Variants in CPN1 observed in about 807,000 individuals in gnomAD.
CPN1 encodes the protein carboxypeptidase N catalytic chain.
CPN1 carries 37 observed loss-of-function variants against 46.4 expected under a neutral mutation model. The observed-to-expected ratio is 0.80, with a 90% confidence interval of 0.61 to 1.05. The LOEUF is 1.05. Among genes scored for constraint, CPN1 ranks in the 50% least tolerant of loss-of-function variants. The probability of loss-of-function intolerance (pLI) is 0.00; values close to 1 mark genes in which losing one functional copy is unlikely to be tolerated. For missense variants in CPN1, 563 were observed against 602.6 expected (o/e 0.93, Z 0.69); for synonymous variants, 224 against 235.4 (o/e 0.95, Z 0.44).
intron 5 of CPN1, among the ~76,000 whole-genome samples, chr10:100,058,202 T>A (rs2041396295): frequency 1.3e-5 from 2 of 152,306 alleles, no homozygotes; most frequent in East Asian, 3.9e-4. Context: ...TGAATTTCAC[T>A]TCTTGTCCCT....
At chr10:100,065,600 C>T (rs1357534286) in intron 3 of CPN1, among the ~76,000 whole-genome samples, 2 of 152,112 alleles carry the variant, frequency 1.3e-5, no homozygotes, top group Non-Finnish European at 2.9e-5. Flanking sequence ...TATGTGGAAT[C>T]CCAATATACA....
rs531454616 is a variant in CPN1, at chr10:100,045,880, T to C, written c.1230+2878A>G. On this transcript the variant is annotated intron_variant, in intron 8 of 8. Coordinates refer to ENST00000370418, the MANE Select transcript of CPN1 (RefSeq NM_001308.3). ...AGGTGGTGGGAGGGTCTACTAAGGG[T>C]TGTGTACAGGAGTGAGGCGGCCCTA... Among the ~76,000 whole-genome samples the C allele has an allele frequency of 2.6e-5, 4 of 152,114 alleles. No individual in the cohort carries two copies. The East Asian group carries it at 7.7e-4, about 29-fold the overall frequency.
rs927420745 is a variant in CPN1 at position 100,050,814 on chromosome 10, A to G, written c.1112-1938T>C. Among the ~76,000 whole-genome samples the G allele has an allele frequency of 2.0e-5, 3 of 152,120 alleles. No homozygotes were observed. The East Asian group carries it at 5.8e-4, about 29-fold the overall frequency. On this transcript the variant is annotated intron_variant, in intron 7 of 8. Coordinates refer to ENST00000370418, the MANE Select transcript of CPN1 (RefSeq NM_001308.3). ...AAATTTTATTATTTTTATTTTTTGT[A>G]GAGATGGAGGTCTTGCTATGTTGAC...
intron 1 of CPN1, 25 bp downstream of exon 1, chr10:100,081,378 C>T: frequency 6.2e-7 from 1 of 1,600,610 alleles, no homozygotes; most frequent in Non-Finnish European, 8.5e-7. Flanking sequence ...GCCCCACACA[C>T]CCTCAAGAGC....
At chr10:100,070,084 G>T (rs191644150) in intron 2 of CPN1, among the ~76,000 whole-genome samples, 273 of 150,834 alleles carry the variant, frequency 1.8e-3, no homozygotes, top group African/African-American at 6.5e-3. Flanking sequence ...CACCACACCC[G>T]CTAATTGTTC....
intron 2 of CPN1, among the ~76,000 whole-genome samples, chr10:100,074,934 T>C (rs543535644): frequency 2.4e-4 from 36 of 152,138 alleles, no homozygotes; most frequent in Admixed American, 2.6e-4. Context: ...CTTAAGATGT[T>C]ACTAATAATA....
At chr10:100,054,298 G>C (rs1376254818) in intron 7 of CPN1, 49 bp downstream of exon 7, 3 of 1,416,030 alleles carry the variant, frequency 2.1e-6, no homozygotes, top group Non-Finnish European at 3.0e-6. Flanking sequence ...TGCTGAAGAA[G>C]ATGCAGGAGT....
intron 8 of CPN1, among the ~76,000 whole-genome samples, chr10:100,044,233 A>G (rs1443168954): frequency 6.6e-6 from 1 of 152,194 alleles, no homozygotes; most frequent in African/African-American, 2.4e-5. Flanking sequence ...ATTTAGTAAC[A>G]TAGGAATCTA....
At chr10:100,056,918 AG>A (rs1207584176) in intron 6 of CPN1, 94 bp downstream of exon 6, 2 of 1,508,286 alleles carry the variant, frequency 1.3e-6, no homozygotes, top group East Asian at 4.5e-5. Flanking sequence ...ACTGAGTCAG[AG>A]CAAAAGTCAG....
At chr10:100,065,099 C>T (rs2041445581) in intron 4 of CPN1, 89 bp downstream of exon 4, 2 of 1,434,664 alleles carry the variant, frequency 1.4e-6, no homozygotes, top group Non-Finnish European at 1.9e-6. Flanking sequence ...TCTGTGGCCT[C>T]GCACTGAAAA....
chr10:100,052,833 C>T (rs1453539132), intron 7 of CPN1, among the ~76,000 whole-genome samples: 1 of 152,098 alleles, frequency 6.6e-6, no homozygotes, highest in Non-Finnish European at 1.5e-5. Context: ...TGAGCCCTGA[C>T]TGCACCACTG....
At chr10:100,068,083 A>T (rs1402343945) in intron 3 of CPN1, among the ~76,000 whole-genome samples, 1 of 150,432 alleles carries the variant, frequency 6.6e-6, no homozygotes, top group Non-Finnish European at 1.5e-5. Context: ...ACCCAGGAGG[A>T]AGAGGTTGCA....
chr10:100,062,713 C>T (rs555617801), intron 5 of CPN1, among the ~76,000 whole-genome samples: 1 of 151,546 alleles, frequency 6.6e-6, no homozygotes, highest in South Asian at 2.1e-4. Flanking sequence ...CCCACCTCAG[C>T]CTCCCCATTA....
At chr10:100,066,101 A>G (rs772984362) in intron 3 of CPN1, among the ~76,000 whole-genome samples, 29 of 152,028 alleles carry the variant, frequency 1.9e-4, no homozygotes, top group Non-Finnish European at 4.3e-4. Context: ...GACTACAGGC[A>G]TGCAACACCA....
intron 2 of CPN1, among the ~76,000 whole-genome samples, chr10:100,071,459 G>C (rs2041484885): frequency 6.6e-6 from 1 of 152,056 alleles, no homozygotes; most frequent in Admixed American, 6.6e-5. Context: ...ATCTTCATAT[G>C]GCCTCCTCCC....
At chr10:100,066,271 G>A (rs1174548732) in intron 3 of CPN1, among the ~76,000 whole-genome samples, 1 of 152,182 alleles carries the variant, frequency 6.6e-6, no homozygotes, top group African/African-American at 2.4e-5. Flanking sequence ...AGTTCTGTAT[G>A]AAGAGATATC....
chr10:100,057,160 A>G lies in CPN1; in HGVS notation c.872-8T>C. 6.2e-7 allele frequency: 1 copy of G among 1,613,712 alleles called. No individual in the cohort carries two copies. Among genetic ancestry groups the G allele is most frequent in the Non-Finnish European group, 8.5e-7 (1 of 1,179,740 alleles). ...AATTAAAGTCTTGCATTCCTAAGGG[A>G]AAGAGGGCAGCAGCAGATTTCCATA... On this transcript the variant is annotated splice_region_variant and splice_polypyrimidine_tract_variant and intron_variant, in intron 5 of 8. Coordinates refer to ENST00000370418, the MANE Select transcript of CPN1 (RefSeq NM_001308.3).
intron 2 of CPN1, among the ~76,000 whole-genome samples, chr10:100,072,039 A>G (rs1328056070): frequency 1.3e-5 from 2 of 152,146 alleles, no homozygotes; most frequent in African/African-American, 4.8e-5. Context: ...CCTTTTGGCT[A>G]TTGTTAATAA....
chr10:100,059,618 G>T (rs951827713), intron 5 of CPN1, among the ~76,000 whole-genome samples: 3 of 150,314 alleles, frequency 2.0e-5, no homozygotes, highest in Admixed American at 2.0e-4. Flanking sequence ...AAGAGTTGGT[G>T]AGGATGTGGA....
Sources: gnomAD v4.1 joint callset for allele counts (sites outside exome capture counted in the v4.1 genomes callset) on GRCh38, gnomAD v4.1.1 for gene constraint, MANE v1.5 for transcripts, NCBI Gene and HGNC (gene_info 2026-07-23, HGNC 2026-07-21) for gene names.